INPP4B: variants seen among roughly 807,000 people sequenced by gnomAD.
The protein encoded by INPP4B is inositol polyphosphate 4-phosphatase type II.
A neutral mutation model predicts 122.5 loss-of-function variants in INPP4B; 55 were observed. The observed-to-expected ratio is 0.45, with a 90% CI of 0.36 to 0.56. INPP4B has a LOEUF of 0.56. Ranked by LOEUF, INPP4B falls within the 20% of genes least tolerant of loss-of-function variation. INPP4B has a pLI of 0.00. For synonymous variants in INPP4B, 403 were observed against 388.7 expected (o/e 1.04, Z -0.43); for missense variants, 1,000 against 1,097.7 (o/e 0.91, Z 1.26).
At chr4:142,805,851 T>C (rs770814789) in intron 1 of INPP4B, among the ~76,000 whole-genome samples, 3 of 152,220 alleles carry the variant, frequency 2.0e-5, no homozygotes, top group Admixed American at 6.5e-5. Context: ...TCAAAATTTA[T>C]ACATTCATTT....
chr4:142,628,643 T>C (rs946918884), intron 2 of INPP4B, among the ~76,000 whole-genome samples: 1 of 151,588 alleles, frequency 6.6e-6, no homozygotes, highest in African/African-American at 2.4e-5. Context: ...TTCCCATGGA[T>C]GCGTAGGTTA....
intron 2 of INPP4B, among the ~76,000 whole-genome samples, chr4:142,614,807 T>A (rs558690181): frequency 1.8e-4 from 27 of 152,174 alleles, no homozygotes; most frequent in African/African-American, 6.0e-4. Flanking sequence ...ATATGAGTAA[T>A]CTTAAGAGTA....
chr4:142,837,638 C>T (rs1581029444), intron 1 of INPP4B, among the ~76,000 whole-genome samples: 1 of 152,066 alleles, frequency 6.6e-6, no homozygotes, highest in Non-Finnish European at 1.5e-5. Context: ...GTTACAATCA[C>T]ATTCACCTTT....
chr4:142,646,489 T>C (rs1751805113), intron 2 of INPP4B, among the ~76,000 whole-genome samples: 1 of 152,224 alleles, frequency 6.6e-6, no homozygotes, highest in South Asian at 2.1e-4. Context: ...AGTGATACTT[T>C]CAAAACTCTG....
rs139685597 is a variant in INPP4B, at chr4:142,124,618, C to A, written c.1863G>T (p.Thr621=). ...AYSLPQCLML[T]LRRDIVFSQA... is the part of the protein sequence containing the mutation. Reference sequence around the variant, plus strand: ...GGCTGAAGACGATGTCTCTTCTTAGCGTCAGCATCAGACACTGGGGCAAGC... The same window carrying A: ...GGCTGAAGACGATGTCTCTTCTTAGAGTCAGCATCAGACACTGGGGCAAGC... The change falls in exon 19 of 26, where the codon ACG becomes ACT. Residue 621 remains threonine, a synonymous_variant. Coordinates refer to ENST00000262992, the MANE Select transcript of INPP4B (RefSeq NM_001101669.3). 10 of 1,613,416 alleles carry A rather than the reference C, an allele frequency of 6.2e-6. No homozygotes were observed. The Admixed American group carries it at 8.3e-5, about 13-fold the overall frequency.
intron 1 of INPP4B, among the ~76,000 whole-genome samples, chr4:142,740,004 T>C (rs1767671958): frequency 1.3e-5 from 2 of 152,132 alleles, no homozygotes; most frequent in South Asian, 2.1e-4. Flanking sequence ...AGGTAGTTTA[T>C]GTGCATAACG....
In INPP4B at chr4:142,779,296, G is replaced by C. The variant is rs1774424562; in HGVS notation, c.-253-53395C>G. Reference sequence around the variant, plus strand: ...AATGATATTTTTTAGGGTATCCTAGGACCCCAAACAACATTGGTAAGGATG... The same window carrying C: ...AATGATATTTTTTAGGGTATCCTAGCACCCCAAACAACATTGGTAAGGATG... On this transcript the variant is annotated intron_variant, in intron 1 of 25. Transcript: ENST00000262992. Among the ~76,000 whole-genome samples the C allele has an allele frequency of 2.6e-5, 4 of 151,836 alleles. No individual in the cohort carries two copies. The South Asian group carries it at 8.3e-4, about 32-fold the overall frequency.
At chr4:142,844,538 C>G (rs1783948188) in intron 1 of INPP4B, among the ~76,000 whole-genome samples, 1 of 152,218 alleles carries the variant, frequency 6.6e-6, no homozygotes, top group East Asian at 1.9e-4. Context: ...GTACCTTTCA[C>G]AAAACTATTG....
intron 7 of INPP4B, among the ~76,000 whole-genome samples, chr4:142,336,783 G>C (rs1314885217): frequency 6.6e-6 from 1 of 152,234 alleles, no homozygotes; most frequent in Non-Finnish European, 1.5e-5. Context: ...GCCCCAGGCA[G>C]AGGCGCCACT....
Position 142,755,762 on chromosome 4 carries a change from A to T in INPP4B, c.-253-29861T>A, listed in dbSNP as rs939450145. ...CCTATAAAATGTTTGCTTGGTCTTT[A>T]AAAAAAGCCAGAATCTCTATTTGGA... On this transcript the variant is annotated intron_variant, in intron 1 of 25. Transcript: ENST00000262992. Among the ~76,000 whole-genome samples the T allele has an allele frequency of 4.6e-5, 7 of 152,156 alleles. No homozygotes were observed. The East Asian group carries it at 5.8e-4, about 13-fold the overall frequency.
intron 11 of INPP4B, among the ~76,000 whole-genome samples, chr4:142,239,909 G>T (rs544676918): frequency 5.3e-5 from 8 of 151,328 alleles, no homozygotes; most frequent in Admixed American, 2.0e-4. Flanking sequence ...CAGAACTTTT[G>T]TATCTCCTAA....
At chr4:142,149,007 G>C (rs1030572246) in intron 17 of INPP4B, among the ~76,000 whole-genome samples, 1 of 152,212 alleles carries the variant, frequency 6.6e-6, no homozygotes, top group Admixed American at 6.5e-5. Flanking sequence ...TCTATCCCTT[G>C]TCTGTTGGAG....
Position 142,314,759 on chromosome 4 carries a change from G to A in INPP4B, c.376C>T (p.Arg126Ter), listed in dbSNP as rs2151319239. Reference protein sequence around the residue: ...DVKDKSHDTVRTSVLPEHKDP... With the variant: ...DVKDKSHDTV The stretch of plus-strand genomic sequence containing the variant: ...TTATGTTCTGGTAGGACACTGGTTC[G>A]AACCTGTGGAGAAAAACATTTTCTG... The change falls in exon 8 of 26, where the codon CGA becomes TGA. Residue 126 changes from arginine (R) to a stop codon, truncating the protein, a stop_gained. Coordinates refer to ENST00000262992, the MANE Select transcript of INPP4B (RefSeq NM_001101669.3). LOFTEE classifies it high-confidence loss of function. The A allele has an allele frequency of 6.3e-7, 1 of 1,595,152 alleles. No individual in the cohort carries two copies. The highest frequency in any genetic ancestry group is 8.5e-7 in the Non-Finnish European group (1 of 1,172,850).
intron 2 of INPP4B, among the ~76,000 whole-genome samples, chr4:142,537,429 T>TATATATATATATATATATATAGAG (rs1200701380): frequency 1.2e-4 from 3 of 25,458 alleles, no homozygotes; most frequent in Non-Finnish European, 2.7e-4. Flanking sequence ...TATATATATA[T>TATATATATATATATATATATAGAG]AGAGAGAGAG....
intron 1 of INPP4B, among the ~76,000 whole-genome samples, chr4:142,835,197 G>A (rs1290370015): frequency 6.6e-6 from 1 of 152,098 alleles, no homozygotes; most frequent in Non-Finnish European, 1.5e-5. Context: ...GAATTGAGGA[G>A]TAGATAAGTA....
intron 2 of INPP4B, among the ~76,000 whole-genome samples, chr4:142,690,527 C>G (rs1228739557): frequency 1.3e-5 from 2 of 152,096 alleles, no homozygotes; most frequent in African/African-American, 2.4e-5. Flanking sequence ...TCAAAATTTT[C>G]TTCACTTAAA....
intron 2 of INPP4B, among the ~76,000 whole-genome samples, chr4:142,608,466 A>G (rs1741778458): frequency 6.6e-6 from 1 of 152,112 alleles, no homozygotes; most frequent in Admixed American, 6.6e-5. Flanking sequence ...GCTTCTAACT[A>G]CATTTTTCTT....
chr4:142,302,843 G>A (rs538565423), intron 9 of INPP4B, among the ~76,000 whole-genome samples: 1 of 152,212 alleles, frequency 6.6e-6, no homozygotes, highest in South Asian at 2.1e-4. Flanking sequence ...ATGCACAGTA[G>A]TGAAACAGAG....
In INPP4B at chr4:142,394,672, C is replaced by T. The variant is rs189954530; in HGVS notation, c.372+8266G>A. Among the ~76,000 whole-genome samples the T allele has an allele frequency of 2.1e-3, 314 of 152,110 alleles. 1 individual carries two copies. The highest frequency in any genetic ancestry group is 7.2e-3 in the African/African-American group (300 of 41,494). ...GCCAATTTTCTAAATGAGTTGTTTT[C>T]TCATTATTGAGTTGTTTGAGTTACA... On this transcript the variant is annotated intron_variant, in intron 7 of 25. Coordinates refer to ENST00000262992, the MANE Select transcript of INPP4B (RefSeq NM_001101669.3).
Sources: gnomAD v4.1 joint callset for allele counts (sites outside exome capture counted in the v4.1 genomes callset) on GRCh38, gnomAD v4.1.1 for gene constraint, MANE v1.5 for transcripts, NCBI Gene and HGNC (gene_info 2026-07-23, HGNC 2026-07-21) for gene names.